Variants in ATP10A observed in about 807,000 individuals in gnomAD.
The protein encoded by ATP10A is phospholipid-transporting ATPase VA.
A neutral mutation model predicts 147.8 loss-of-function variants in ATP10A; 111 were observed. The ratio of observed to expected loss-of-function variants is 0.75; its 90% CI spans 0.64 to 0.88. The LOEUF (loss-of-function observed/expected upper bound fraction) is 0.88. Among genes scored for constraint, ATP10A ranks in the 40% least tolerant of loss-of-function variants. ATP10A has a pLI of 0.00. For missense variants in ATP10A, 1,927 were observed against 1,959.0 expected, an observed-to-expected ratio of 0.98 and a Z score of 0.31; for synonymous variants, 875 against 841.6, an observed-to-expected ratio of 1.04 and a Z score of -0.69.
At chr15:25,748,053 C>T (rs959493235) in intron 2 of ATP10A, among the ~76,000 whole-genome samples, 1 of 152,042 alleles carries the variant, frequency 6.6e-6, no homozygotes, top group Non-Finnish European at 1.5e-5. Flanking sequence ...AGCTCTGCCT[C>T]CCGGGTTCAT....
chr15:25,768,901 A>G (rs1889177570), intron 2 of ATP10A, among the ~76,000 whole-genome samples: 2 of 152,062 alleles, frequency 1.3e-5, no homozygotes, highest in Non-Finnish European at 2.9e-5. Flanking sequence ...AGGGAACAGG[A>G]AAAACACTAC....
rs373625307 is a variant in ATP10A, at chr15:25,687,667, C to T, written c.3291+36G>A. On this transcript the variant is annotated intron_variant, in intron 16 of 20. Coordinates refer to ENST00000555815, the MANE Select transcript of ATP10A (RefSeq NM_024490.4). ...CGATGGTCCTAAGAACCGAACCTTC[C>T]AATCCCAAAACTCTAGACAGGTATC... The T allele has an allele frequency of 1.2e-5, 17 of 1,409,238 alleles. No individual in the cohort carries two copies. In the East Asian group the frequency reaches 4.5e-4, roughly 38 times the overall value. 87.3% of individuals were successfully genotyped at this position (1,409,238 alleles called of 1,614,324 possible). A position where few individuals can be genotyped will look rare whatever the true frequency, so the allele number is the denominator to read the frequency against.
chr15:25,728,126 C>A (rs546031084), intron 3 of ATP10A, among the ~76,000 whole-genome samples: 1 of 152,322 alleles, frequency 6.6e-6, no homozygotes, highest in Admixed American at 6.5e-5. Context: ...CACACCCCCT[C>A]TCCGCACGCA....
At chr15:25,717,662 A>C (rs535255021) in intron 8 of ATP10A, among the ~76,000 whole-genome samples, 1 of 152,306 alleles carries the variant, frequency 6.6e-6, no homozygotes, top group Admixed American at 6.5e-5. Flanking sequence ...CAGAGTAAGC[A>C]AGGGGGATTC....
At chr15:25,738,296 C>T (rs533654003) in intron 2 of ATP10A, among the ~76,000 whole-genome samples, 2 of 152,152 alleles carry the variant, frequency 1.3e-5, no homozygotes, top group East Asian at 1.9e-4. Flanking sequence ...AAAGTAGAGG[C>T]CCCCGATCCA....
downstream of ATP10A, among the ~76,000 whole-genome samples, chr15:25,676,595 T>G (rs1274822954): frequency 6.6e-6 from 1 of 152,208 alleles, no homozygotes; most frequent in Non-Finnish European, 1.5e-5. Context: ...TTTGTAAATT[T>G]GAGTTTCACG....
chr15:25,809,091 C>T (rs1285285776), intron 1 of ATP10A, among the ~76,000 whole-genome samples: 1 of 152,110 alleles, frequency 6.6e-6, no homozygotes, highest in East Asian at 1.9e-4. Context: ...GAGAATGTCC[C>T]TCTTGTGTCC....
chr15:25,760,517 T>G (rs28801113), intron 2 of ATP10A, among the ~76,000 whole-genome samples: 59,760 of 152,088 alleles, frequency 0.39, 12,760 homozygotes, highest in Non-Finnish European at 0.48. Flanking sequence ...ACTTACAATC[T>G]TCAAGTGTTA....
chr15:25,790,867 G>C, intron 1 of ATP10A, among the ~76,000 whole-genome samples: 1 of 152,074 alleles, frequency 6.6e-6, no homozygotes, highest in East Asian at 1.9e-4. Flanking sequence ...GAGTTTTCAA[G>C]GTAATTTCTT....
At chr15:25,840,333 C>T (rs1892760311) in intron 1 of ATP10A, among the ~76,000 whole-genome samples, 1 of 152,100 alleles carries the variant, frequency 6.6e-6, no homozygotes, top group African/African-American at 2.4e-5. Context: ...TTTTCTGCTT[C>T]TCTTTCTCCT....
intron 1 of ATP10A, among the ~76,000 whole-genome samples, chr15:25,839,921 G>A (rs1028007490): frequency 6.6e-6 from 1 of 152,062 alleles, no homozygotes; most frequent in African/African-American, 2.4e-5. Flanking sequence ...AAGTGCATTC[G>A]TGTGCGTGTG....
At chr15:25,826,199 A>C (rs963421878) in intron 1 of ATP10A, among the ~76,000 whole-genome samples, 5 of 152,206 alleles carry the variant, frequency 3.3e-5, no homozygotes, top group African/African-American at 1.2e-4. Flanking sequence ...TCAAGCAAAC[A>C]GATGTATGAA....
chr15:25,752,215 G>A (rs1888190804), intron 2 of ATP10A, among the ~76,000 whole-genome samples: 1 of 152,048 alleles, frequency 6.6e-6, no homozygotes, highest in Admixed American at 6.6e-5. Context: ...GCACTCCCAT[G>A]TTCATTGAAG....
At chr15:25,720,898 T>G (rs1449568287) in intron 7 of ATP10A, among the ~76,000 whole-genome samples, 1 of 152,180 alleles carries the variant, frequency 6.6e-6, no homozygotes, top group Non-Finnish European at 1.5e-5. Flanking sequence ...TTGCGTTCCC[T>G]CTGTCCGGTT....
intron 1 of ATP10A, among the ~76,000 whole-genome samples, chr15:25,857,895 G>A (rs1893584576): frequency 6.6e-6 from 1 of 152,142 alleles, no homozygotes; most frequent in South Asian, 2.1e-4. Flanking sequence ...TCTGTGGAAT[G>A]GGGATGTGGA....
chr15:25,802,645 T>G (rs996485891), intron 1 of ATP10A, among the ~76,000 whole-genome samples: 2 of 152,208 alleles, frequency 1.3e-5, no homozygotes, highest in Admixed American at 1.3e-4. Context: ...GCAGGCTACC[T>G]GCATGCCTCA....
At chr15:25,862,046 A>C (rs1022350598) in intron 1 of ATP10A, 2 of 334,456 alleles carry the variant, frequency 6.0e-6, no homozygotes, top group African/African-American at 4.4e-5. Flanking sequence ...AGATGAAGAA[A>C]ATTAGGCAGG....
At chr15:25,792,996 G>A (rs1206409764) in intron 1 of ATP10A, among the ~76,000 whole-genome samples, 8 of 150,658 alleles carry the variant, frequency 5.3e-5, no homozygotes, top group Non-Finnish European at 1.0e-4. Flanking sequence ...TCAGCCTCCC[G>A]AGTAGCTGGG....
At chr15:25,844,449 A>G (rs1054341139) in intron 1 of ATP10A, among the ~76,000 whole-genome samples, 2 of 152,208 alleles carry the variant, frequency 1.3e-5, no homozygotes, top group Admixed American at 1.3e-4. Context: ...AGTCCATTTG[A>G]TTTTATGATG....
Sources: allele counts gnomAD v4.1 joint callset (sites outside exome capture counted in the v4.1 genomes callset), GRCh38; gene constraint gnomAD v4.1.1; transcripts MANE v1.5; gene names NCBI Gene and HGNC (gene_info 2026-07-23, HGNC 2026-07-21).